ATP8B4: variants seen among roughly 807,000 people sequenced by gnomAD.
ATP8B4 encodes ATPase phospholipid transporting 8B4 (putative).
A neutral mutation model predicts 145.6 loss-of-function variants in ATP8B4; 133 were observed. The observed-to-expected ratio is 0.91, with a 90% CI of 0.79 to 1.05. ATP8B4 has a LOEUF of 1.05. ATP8B4 is among the 50% of genes least tolerant of loss of function. The pLI, the probability that ATP8B4 is intolerant of heterozygous loss-of-function variation, is 0.00. For missense variants in ATP8B4, 1,458 were observed against 1,425.2 expected (o/e 1.02, Z -0.37); for synonymous variants, 507 against 492.9 (o/e 1.03, Z -0.38).
At chr15:49,906,014 A>C (rs1480565516) in intron 20 of ATP8B4, among the ~76,000 whole-genome samples, 4 of 152,176 alleles carry the variant, frequency 2.6e-5, no homozygotes, top group Non-Finnish European at 5.9e-5. Flanking sequence ...AGATCACATT[A>C]CGCATGATGT....
intron 6 of ATP8B4, among the ~76,000 whole-genome samples, chr15:50,032,309 T>C (rs1363640170): frequency 6.6e-6 from 1 of 152,170 alleles, no homozygotes; most frequent in African/African-American, 2.4e-5. Flanking sequence ...CCTGTGTTAG[T>C]TTGCTGAGAA....
chr15:49,919,457 G>T (rs1291786022), intron 18 of ATP8B4, among the ~76,000 whole-genome samples: 1 of 151,732 alleles, frequency 6.6e-6, no homozygotes, highest in Non-Finnish European at 1.5e-5. Context: ...TTGCTCTGTC[G>T]CCCAGGCTGG....
intron 14 of ATP8B4, among the ~76,000 whole-genome samples, chr15:49,948,434 G>A (rs576725824): frequency 1.3e-5 from 2 of 152,240 alleles, no homozygotes; most frequent in African/African-American, 4.8e-5. Context: ...GGGTGACAGA[G>A]TGAGACTCTG....
intron 5 of ATP8B4, among the ~76,000 whole-genome samples, chr15:50,044,062 G>A (rs1465320949): frequency 6.6e-6 from 1 of 152,024 alleles, no homozygotes; most frequent in Non-Finnish European, 1.5e-5. Flanking sequence ...GCCAACAATA[G>A]GCTATTAGTA....
At chr15:50,160,881 G>A (rs994357564) in intron 1 of ATP8B4, among the ~76,000 whole-genome samples, 1 of 152,040 alleles carries the variant, frequency 6.6e-6, no homozygotes. Flanking sequence ...TATCTGTCAA[G>A]TTCATTTGGT....
intron 6 of ATP8B4, among the ~76,000 whole-genome samples, chr15:50,034,290 G>A (rs2050671812): frequency 6.7e-6 from 1 of 149,232 alleles, no homozygotes; most frequent in Admixed American, 6.7e-5. Context: ...GAGTGCAATG[G>A]CATGATCTCG....
At position 50,180,370 on chromosome 15, in the gene ATP8B4, T is replaced by C. The variant is rs80273643; in HGVS notation, c.-43+1891A>G. ...GCAAAACTAGATCCAGGTGTCAGCA[T>C]TTAAAATCCTTGATGTCTTAGCCCC... is the stretch of plus-strand genomic sequence containing the variant. On this transcript the variant is annotated intron_variant, in intron 1 of 3. Coordinates refer to the ATP8B4 transcript ENST00000558829. Among the ~76,000 whole-genome samples the C allele has an allele frequency of 2.4e-3, 370 of 152,266 alleles. 6 individuals are homozygous for C. In the East Asian group the frequency reaches 0.04, roughly 17 times the overall value.
chr15:50,074,062 A>C (rs1184189043), intron 3 of ATP8B4, 65 bp downstream of exon 3: 1 of 1,418,274 alleles, frequency 7.1e-7, no homozygotes, highest in East Asian at 2.3e-5. Flanking sequence ...TCTAGAAGAC[A>C]TGCATCCCAC....
intron 16 of ATP8B4, among the ~76,000 whole-genome samples, chr15:49,929,160 A>C (rs932115106): frequency 2.6e-5 from 4 of 152,120 alleles, no homozygotes; most frequent in Non-Finnish European, 4.4e-5. Flanking sequence ...AGTGAGCTAT[A>C]ATAGGCCTTA....
chr15:50,152,388 A>C (rs922170880), intron 1 of ATP8B4, among the ~76,000 whole-genome samples: 2 of 152,200 alleles, frequency 1.3e-5, no homozygotes, highest in African/African-American at 4.8e-5. Context: ...TTAGATTTCT[A>C]AGAGTTTTAT....
At chr15:50,154,973 C>T (rs1269174798) in intron 1 of ATP8B4, among the ~76,000 whole-genome samples, 7 of 152,120 alleles carry the variant, frequency 4.6e-5, no homozygotes, top group African/African-American at 1.4e-4. Context: ...TTTAACATAA[C>T]ATAACTTTAA....
At chr15:50,148,197 A>T (rs1235285136) in intron 1 of ATP8B4, among the ~76,000 whole-genome samples, 1 of 150,422 alleles carries the variant, frequency 6.6e-6, no homozygotes, top group African/African-American at 2.5e-5. Flanking sequence ...AGAACATTCA[A>T]CAAAATACTG....
chr15:49,894,957 G>A (rs926162559), intron 23 of ATP8B4: 1 of 152,204 alleles, frequency 6.6e-6, no homozygotes, highest in Non-Finnish European at 1.5e-5. Flanking sequence ...TTTTCCTCAA[G>A]GAGCTAATGG....
intron 10 of ATP8B4, among the ~76,000 whole-genome samples, chr15:49,983,812 C>T (rs2046364119): frequency 2.0e-5 from 3 of 152,218 alleles, no homozygotes; most frequent in African/African-American, 7.2e-5. Flanking sequence ...CCATCCCTAT[C>T]CTCTGTGCTC....
chr15:49,924,820 AAAAG>A (rs2040569280), intron 16 of ATP8B4, among the ~76,000 whole-genome samples: 1 of 152,192 alleles, frequency 6.6e-6, no homozygotes, highest in Admixed American at 6.5e-5. Flanking sequence ...ACATTGGGGA[AAAAG>A]AAAGAGAAAA....
intron 3 of ATP8B4, among the ~76,000 whole-genome samples, chr15:50,064,824 A>C (rs1193971070): frequency 6.6e-6 from 1 of 152,184 alleles, no homozygotes; most frequent in Non-Finnish European, 1.5e-5. Flanking sequence ...GGAAGCAGGC[A>C]CATCTTACAC....
chr15:50,171,199 A>T (rs1281655787), intron 1 of ATP8B4, among the ~76,000 whole-genome samples: 1 of 152,230 alleles, frequency 6.6e-6, no homozygotes, highest in Non-Finnish European at 1.5e-5. Context: ...ACCTTGGAAC[A>T]AACAGACTTA....
intron 10 of ATP8B4, among the ~76,000 whole-genome samples, chr15:49,984,523 A>G (rs1358926597): frequency 6.6e-6 from 1 of 152,154 alleles, no homozygotes; most frequent in Non-Finnish European, 1.5e-5. Context: ...TGGCTACTGG[A>G]CCCTAAGGGA....
intron 9 of ATP8B4, among the ~76,000 whole-genome samples, chr15:49,988,647 A>C (rs989123525): frequency 1.3e-5 from 2 of 152,190 alleles, no homozygotes; most frequent in Admixed American, 1.3e-4. Context: ...TAGCATTTGG[A>C]AAATAAAAAG....
Sources: allele counts gnomAD v4.1 joint callset (sites outside exome capture counted in the v4.1 genomes callset), GRCh38; gene constraint gnomAD v4.1.1; transcripts MANE v1.5; gene names NCBI Gene and HGNC (gene_info 2026-07-23, HGNC 2026-07-21).